Variants in ABCC1 observed in about 807,000 individuals in gnomAD.
ABCC1 encodes the protein ATP binding cassette subfamily C member 1 (ABCC1 blood group).
ABCC1 carries 83 observed loss-of-function variants against 172.9 expected under a neutral mutation model. That is an observed-to-expected ratio of 0.48 (90% confidence interval 0.40 to 0.58). The LOEUF (loss-of-function observed/expected upper bound fraction) is 0.58, where lower values mean the gene tolerates loss of function less well. Ranked by LOEUF, ABCC1 falls within the 20% of genes least tolerant of loss-of-function variation. ABCC1 has a pLI of 0.00. For synonymous variants in ABCC1, 937 were observed against 825.2 expected (o/e 1.14, Z -2.32); for missense variants, 1,817 against 2,002.7 (o/e 0.91, Z 1.77).
intron 4 of ABCC1, among the ~76,000 whole-genome samples, chr16:16,015,477 T>C (rs1321995287): frequency 1.3e-5 from 2 of 152,178 alleles, no homozygotes; most frequent in African/African-American, 4.8e-5. Flanking sequence ...GTTCCTGCCA[T>C]CTTGGAGCTA....
intron 15 of ABCC1, among the ~76,000 whole-genome samples, chr16:16,079,026 T>C (rs1398063372): frequency 1.3e-5 from 2 of 152,128 alleles, no homozygotes; most frequent in East Asian, 3.9e-4. Context: ...CCTTGCGTCA[T>C]GCCCCCAGTA....
chr16:16,048,250 A>G lies in ABCC1; in HGVS notation c.1327A>G (p.Met443Val). 1 of 1,614,144 alleles carries G rather than the reference A, an allele frequency of 6.2e-7. No individual in the cohort carries two copies. Among genetic ancestry groups the G allele is most frequent in the Non-Finnish European group, 8.5e-7 (1 of 1,180,024 alleles). Residue 443 changes from methionine (M) to valine (V), a missense_variant, in exon 10 of 31, where the codon ATG becomes GTG. Transcript: ENST00000399410. ...CATGGACTTGGCCACGTACATTAAC[A>G]TGATCTGGTCAGCCCCCCTGCAAGT... ...RFMDLATYIN[M>V]IWSAPLQVIL...
chr16:15,965,606 T>C (rs1307501323), intron 1 of ABCC1, among the ~76,000 whole-genome samples: 1 of 151,916 alleles, frequency 6.6e-6, no homozygotes, highest in Admixed American at 6.6e-5. Flanking sequence ...TCTCCCTTTT[T>C]AACTTTTTTG....
intron 1 of ABCC1, among the ~76,000 whole-genome samples, chr16:15,987,215 G>T (rs552789931): frequency 1.3e-5 from 2 of 152,280 alleles, no homozygotes; most frequent in South Asian, 4.1e-4. Flanking sequence ...GGATCTGGAA[G>T]TTTTACTAGT....
At chr16:16,116,417 T>A (rs1350906921) in intron 23 of ABCC1, among the ~76,000 whole-genome samples, 1 of 152,194 alleles carries the variant, frequency 6.6e-6, no homozygotes, top group East Asian at 1.9e-4. Context: ...CTACATATCC[T>A]GTTTTTTTCT....
chr16:16,058,408 A>T (rs2049763214), intron 12 of ABCC1, among the ~76,000 whole-genome samples: 1 of 152,196 alleles, frequency 6.6e-6, no homozygotes, highest in South Asian at 2.1e-4. Flanking sequence ...TGTGAAGCAG[A>T]GTTAAACATG....
At chr16:15,994,941 G>A (rs1386141343) in intron 1 of ABCC1, among the ~76,000 whole-genome samples, 2 of 151,622 alleles carry the variant, frequency 1.3e-5, no homozygotes, top group African/African-American at 4.9e-5. Flanking sequence ...CAACAGCCTG[G>A]CCAACATGGT....
chr16:15,984,875 G>C (rs923140408), intron 1 of ABCC1, among the ~76,000 whole-genome samples: 1 of 152,124 alleles, frequency 6.6e-6, no homozygotes, highest in African/African-American at 2.4e-5. Flanking sequence ...GGTGAAGGTG[G>C]GAGGATTGCC....
chr16:16,128,659 A>G (rs1441332289), intron 26 of ABCC1, among the ~76,000 whole-genome samples: 3 of 152,210 alleles, frequency 2.0e-5, no homozygotes, highest in African/African-American at 7.2e-5. Context: ...TCAATTATGT[A>G]CATAAATTAT....
At chr16:15,971,301 TG>T (rs763872289) in intron 1 of ABCC1, among the ~76,000 whole-genome samples, 14 of 151,962 alleles carry the variant, frequency 9.2e-5, no homozygotes, top group Non-Finnish European at 1.9e-4. Context: ...TCTGCACACT[TG>T]GGGAGGTGTG....
chr16:16,040,404 CAGCCTCCGGAGT>C (rs1310611986), intron 7 of ABCC1, among the ~76,000 whole-genome samples: 1 of 151,976 alleles, frequency 6.6e-6, no homozygotes, highest in Non-Finnish European at 1.5e-5. Flanking sequence ...TTTCCTGCCT[CAGCCTCCGGAGT>C]AGCTGGGATT....
rs185460431 is a variant in ABCC1, at chr16:16,100,200, C to T, written c.2645-2427C>T. On this transcript the variant is annotated intron_variant, in intron 19 of 30. Transcript: ENST00000399410. ...AGTGGAATTTTCCAGCTGCCCAGTT[C>T]GACCTGTGGGCTAATTGGTGGGTTG... is the stretch of plus-strand genomic sequence containing the variant. Among the ~76,000 whole-genome samples the T allele has an allele frequency of 2.0e-4, 30 of 152,286 alleles. No individual in the cohort carries two copies. In the East Asian group the frequency reaches 4.6e-3, roughly 24 times the overall value.
At chr16:15,988,770 A>AG (rs1322220860) in intron 1 of ABCC1, among the ~76,000 whole-genome samples, 1 of 152,134 alleles carries the variant, frequency 6.6e-6, no homozygotes, top group Non-Finnish European at 1.5e-5. Flanking sequence ...ACAACACTGA[A>AG]GCCCTGTTAA....
Position 16,118,313 on chromosome 16 carries a change from G to A in ABCC1, c.3390+3237G>A, listed in dbSNP as rs78641112. On this transcript the variant is annotated intron_variant, in intron 23 of 30. Transcript: ENST00000399410. ...GCCTTGGTTCAATCATGTGGCCCCT[G>A]CGCCCCACCACACTGTGGCCCAATG... 2.9e-3 allele frequency among the ~76,000 whole-genome samples: 437 copies of A among 152,148 alleles called. 2 individuals carry two copies. In the East Asian group the frequency reaches 0.029, roughly 10 times the overall value.
intron 17 of ABCC1, 71 bp from the exon 18 acceptor site, chr16:16,086,753 C>T (rs1304239695): frequency 2.2e-5 from 35 of 1,556,494 alleles, no homozygotes; most frequent in Middle Eastern, 2.3e-4. Flanking sequence ...ACACCACACT[C>T]GGCCTGCTTC....
chr16:16,127,261 C>T (rs2045480593), intron 26 of ABCC1, among the ~76,000 whole-genome samples: 1 of 152,182 alleles, frequency 6.6e-6, no homozygotes, highest in Non-Finnish European at 1.5e-5. Flanking sequence ...TCACTCTTGC[C>T]CGGGTTGGAG....
intron 1 of ABCC1, among the ~76,000 whole-genome samples, chr16:16,001,878 T>C (rs1387736884): frequency 2.0e-5 from 3 of 152,158 alleles, no homozygotes; most frequent in African/African-American, 7.2e-5. Flanking sequence ...GGCAGGTTCC[T>C]TTTTTGAAAG....
intron 19 of ABCC1, 108 bp downstream of exon 19, chr16:16,090,696 G>T: frequency 7.9e-7 from 1 of 1,260,942 alleles, no homozygotes; most frequent in Non-Finnish European, 1.1e-6. Flanking sequence ...CGGCTCCTCA[G>T]GGCATGAGGG....
At chr16:16,114,683 C>T (rs2044770535) in intron 22 of ABCC1, 83 bp from the exon 23 acceptor site, 2 of 1,369,082 alleles carry the variant, frequency 1.5e-6, no homozygotes, top group South Asian at 2.8e-5. Context: ...CCAGGCCTGC[C>T]TCGTCCACAT....
Sources: allele counts gnomAD v4.1 joint callset (sites outside exome capture counted in the v4.1 genomes callset), GRCh38; gene constraint gnomAD v4.1.1; transcripts MANE v1.5; gene names NCBI Gene and HGNC (gene_info 2026-07-23, HGNC 2026-07-21).